The following KIF18A variants were observed in gnomAD, a reference collection of about 807,000 sequenced individuals.
The protein encoded by KIF18A is kinesin family member 18A.
A neutral mutation model predicts 103.3 loss-of-function variants in KIF18A; 67 were observed. That is an observed-to-expected ratio of 0.65 (90% CI 0.53 to 0.79). The LOEUF is 0.79. Ranked by LOEUF, KIF18A falls within the 30% of genes least tolerant of loss-of-function variation. KIF18A has a pLI of 0.00. For missense variants in KIF18A, 1,032 were observed against 1,062.5 expected, an observed-to-expected ratio of 0.97 and a Z score of 0.40; for synonymous variants, 367 against 355.5, an observed-to-expected ratio of 1.03 and a Z score of -0.36.
At chr11:28,080,281 G>C (rs1307200494) in intron 9 of KIF18A, among the ~76,000 whole-genome samples, 3 of 150,808 alleles carry the variant, frequency 2.0e-5, no homozygotes, top group African/African-American at 7.3e-5. Flanking sequence ...AGAAATCACT[G>C]ACTTCTTGAA....
intron 15 of KIF18A, 132 bp from the exon 16 acceptor site, chr11:28,023,982 G>A: frequency 2.1e-6 from 1 of 487,256 alleles, no homozygotes; most frequent in Non-Finnish European, 3.7e-6. Flanking sequence ...TCACAGAAGT[G>A]GAGGTACTAA....
At chr11:28,100,136 G>C (rs1851426954) in intron 1 of KIF18A, among the ~76,000 whole-genome samples, 2 of 152,212 alleles carry the variant, frequency 1.3e-5, no homozygotes, top group Admixed American at 1.3e-4. Context: ...GTCACCAACT[G>C]AGATGGAAAT....
intron 9 of KIF18A, 40 bp downstream of exon 9, chr11:28,082,816 C>A (rs1260405547): frequency 7.9e-7 from 1 of 1,260,626 alleles, no homozygotes; most frequent in Admixed American, 2.1e-5. Context: ...AATTTTAAAA[C>A]AATAAATTCC....
chr11:28,036,609 C>T lies in KIF18A; in HGVS notation c.2004G>A (p.Arg668=). ...LVKIPTEKRT[R]RKLMPSPLKG... ...TCAAGGGAGATGGCATTAGTTTTCTCCGAGTTCTTTTTTCTGTAGGAATCT... is the reference window on the plus strand; with the variant it reads ...TCAAGGGAGATGGCATTAGTTTTCTTCGAGTTCTTTTTTCTGTAGGAATCT... Residue 668 remains arginine (R), a synonymous_variant, in exon 14 of 17, where the codon CGG becomes CGA. Transcript: ENST00000263181. The T allele has an allele frequency of 2.5e-6, 4 of 1,610,192 alleles. No homozygotes were observed. Among genetic ancestry groups the T allele is most frequent in the Non-Finnish European group, 3.4e-6 (4 of 1,177,744 alleles).
intron 13 of KIF18A, 31 bp downstream of exon 13, chr11:28,058,895 A>G: frequency 6.7e-7 from 1 of 1,494,216 alleles, no homozygotes; most frequent in South Asian, 1.1e-5. Flanking sequence ...AAATAATGTT[A>G]CTATTTACTT....
At chr11:28,107,052 T>C (rs1317006937) in intron 1 of KIF18A, among the ~76,000 whole-genome samples, 1 of 152,186 alleles carries the variant, frequency 6.6e-6, no homozygotes, top group Non-Finnish European at 1.5e-5. Context: ...TTCTTTGTGA[T>C]TGTGCTTTGT....
chr11:28,040,797 T>G (rs1022732958), intron 13 of KIF18A, among the ~76,000 whole-genome samples: 3 of 151,736 alleles, frequency 2.0e-5, no homozygotes, highest in African/African-American at 7.3e-5. Flanking sequence ...TTCTGAGTAA[T>G]TTTGCTATTT....
intron 9 of KIF18A, among the ~76,000 whole-genome samples, chr11:28,081,988 G>A (rs1420941240): frequency 6.6e-6 from 1 of 152,096 alleles, no homozygotes; most frequent in East Asian, 1.9e-4. Context: ...AACTGCAGAT[G>A]TGGTGGACAT....
rs991684774 is a variant in KIF18A at position 28,108,068 on chromosome 11, A to T, written c.-51T>A. 2 of 152,392 alleles carry T rather than the reference A, an allele frequency of 1.3e-5. No homozygotes were observed. The highest frequency in any genetic ancestry group is 2.9e-5 in the Non-Finnish European group (2 of 68,226). The allele number at this position is 152,392 out of a possible 1,614,324, so 9.4% of individuals were successfully genotyped here. The stretch of plus-strand genomic sequence containing the variant: ...CGTCCCAGAGTCCAGTTTTACCTTC[A>T]TGTGCCTCTCACTCACTTCAGGCCC... On this transcript the variant is annotated 5_prime_UTR_variant, in exon 1 of 17. The change abolishes an upstream ATG in the 5' untranslated region. Transcript: ENST00000263181.
intron 11 of KIF18A, among the ~76,000 whole-genome samples, chr11:28,067,959 C>T (rs1307869982): frequency 6.6e-6 from 1 of 152,148 alleles, no homozygotes; most frequent in Non-Finnish European, 1.5e-5. Context: ...TATAAAGACA[C>T]ATGCACACAT....
chr11:28,039,392 T>C (rs1590668600), intron 13 of KIF18A, among the ~76,000 whole-genome samples: 1 of 151,842 alleles, frequency 6.6e-6, no homozygotes, highest in Middle Eastern at 3.4e-3. Context: ...CAGGTATATA[T>C]GTTCTTTGCA....
rs562327480 is a variant in KIF18A, at chr11:28,046,834, C to T, written c.1949-10170G>A. Reference sequence around the variant, plus strand: ...TGGGAGGCTGAGATAGGTGGATCACCGGAGGTCAGGAGTTTAAGACCAGCC... The same window carrying T: ...TGGGAGGCTGAGATAGGTGGATCACTGGAGGTCAGGAGTTTAAGACCAGCC... On this transcript the variant is annotated intron_variant, in intron 13 of 16. Coordinates refer to ENST00000263181, the MANE Select transcript of KIF18A (RefSeq NM_031217.4). Among the ~76,000 whole-genome samples the T allele has an allele frequency of 8.0e-5, 12 of 150,286 alleles. No homozygotes were observed. In the South Asian group the frequency reaches 8.4e-4, roughly 11 times the overall value.
intron 13 of KIF18A, among the ~76,000 whole-genome samples, chr11:28,042,910 C>T (rs1288574178): frequency 6.6e-6 from 1 of 151,760 alleles, no homozygotes; most frequent in Non-Finnish European, 1.5e-5. Context: ...ATAGCTCAGA[C>T]TCTTAAGGGA....
At chr11:28,093,684 A>C (rs1851331953) in intron 3 of KIF18A, among the ~76,000 whole-genome samples, 1 of 152,176 alleles carries the variant, frequency 6.6e-6, no homozygotes, top group Non-Finnish European at 1.5e-5. Flanking sequence ...CTATTCAATA[A>C]AGTAAAAATG....
chr11:28,061,597 G>A (rs186362950), intron 12 of KIF18A, among the ~76,000 whole-genome samples: 1 of 152,206 alleles, frequency 6.6e-6, no homozygotes, highest in African/African-American at 2.4e-5. Context: ...AAAGTATAAA[G>A]AGATTAGTCT....
intron 13 of KIF18A, 49 bp downstream of exon 13, chr11:28,058,877 C>T (rs375486289): frequency 7.6e-5 from 104 of 1,372,466 alleles, no homozygotes; most frequent in Non-Finnish European, 7.2e-5. Flanking sequence ...TACAAAGGTT[C>T]TCTTTAGAAA....
intron 6 of KIF18A, among the ~76,000 whole-genome samples, chr11:28,087,686 TA>T (rs1464620299): frequency 6.6e-6 from 1 of 152,220 alleles, no homozygotes; most frequent in African/African-American, 2.4e-5. Flanking sequence ...ATGGTTCAAC[TA>T]ATTTACACTC....
At chr11:28,058,275 TATG>T (rs1456008780) in intron 13 of KIF18A, among the ~76,000 whole-genome samples, 1 of 151,658 alleles carries the variant, frequency 6.6e-6, no homozygotes, top group Non-Finnish European at 1.5e-5. Context: ...TATCATAAAA[TATG>T]ATATGATTAA....
intron 13 of KIF18A, among the ~76,000 whole-genome samples, chr11:28,037,408 A>C (rs1850507662): frequency 1.3e-5 from 2 of 151,620 alleles, no homozygotes; most frequent in Admixed American, 1.3e-4. Context: ...TATACAATAT[A>C]ACAACCACTT....
Sources: allele counts gnomAD v4.1 joint callset (sites outside exome capture counted in the v4.1 genomes callset), GRCh38; gene constraint gnomAD v4.1.1; transcripts MANE v1.5; gene names NCBI Gene and HGNC (gene_info 2026-07-23, HGNC 2026-07-21).